The following FGFR2 variants were observed in gnomAD, a reference collection of about 807,000 sequenced individuals.
FGFR2 encodes BEK fibroblast growth factor receptor.
Under a neutral mutation model 95.9 loss-of-function variants are expected in FGFR2, and 19 were observed. The observed-to-expected ratio is 0.20, with a 90% CI of 0.14 to 0.29. FGFR2 has a LOEUF of 0.29. FGFR2 is among the 10% of genes least tolerant of loss of function. The probability of loss-of-function intolerance (pLI) is 1.00; values close to 1 mark genes in which losing one functional copy is unlikely to be tolerated. For missense variants in FGFR2, 707 were observed against 1,056.9 expected, an observed-to-expected ratio of 0.67 and a Z score of 4.59; for synonymous variants, 392 against 393.3, an observed-to-expected ratio of 1.00 and a Z score of 0.04.
chr10:121,591,011 ACTCTCTCT>A (rs76266908), intron 2 of FGFR2, among the ~76,000 whole-genome samples: 3 of 144,340 alleles, frequency 2.1e-5, no homozygotes, highest in Non-Finnish European at 4.6e-5. Context: ...ACACACGCAC[ACTCTCTCT>A]CTCTCTCTCT....
intron 6 of FGFR2, among the ~76,000 whole-genome samples, chr10:121,523,692 T>A (rs952753525): frequency 6.6e-6 from 1 of 152,172 alleles, no homozygotes; most frequent in Non-Finnish European, 1.5e-5. Context: ...GTTTTCCAGT[T>A]TTGCACTTGT....
At chr10:121,538,129 C>A (rs1038533256) in intron 6 of FGFR2, 1 of 580,296 alleles carries the variant, frequency 1.7e-6, no homozygotes, top group Admixed American at 3.1e-5. Context: ...AAGTGAAGGG[C>A]CCTCAACATT....
chr10:121,564,693 A>ACTT (rs1252671622), intron 3 of FGFR2, 114 bp from the exon 4 acceptor site: 1 of 889,474 alleles, frequency 1.1e-6, no homozygotes, highest in African/African-American at 1.6e-5. Context: ...GAACCCTCGC[A>ACTT]AAGAGCCTGG....
intron 13 of FGFR2, among the ~76,000 whole-genome samples, chr10:121,494,599 G>T (rs1462920062): frequency 1.1e-4 from 16 of 152,120 alleles, no homozygotes; most frequent in Admixed American, 1.0e-3. Flanking sequence ...GTTCACAGCT[G>T]CAGAAAAGGA....
chr10:121,558,768 T>C (rs865831012), intron 4 of FGFR2, among the ~76,000 whole-genome samples: 3 of 152,028 alleles, frequency 2.0e-5, no homozygotes, highest in African/African-American at 2.4e-5. Context: ...TTTTATATTT[T>C]AGTAGAGATG....
At chr10:121,577,174 T>TAGAGAGAGAGAGAGAGAGAG (rs1426070759) in intron 2 of FGFR2, among the ~76,000 whole-genome samples, 1 of 4,800 alleles carries the variant, frequency 2.1e-4, no homozygotes, top group Non-Finnish European at 3.8e-4. Context: ...TATATATATA[T>TAGAGAGAGAGAGAGAGAGAG]ATATAGAGAG....
In FGFR2 at chr10:121,496,713, T is replaced by G. The variant is rs957991200; in HGVS notation, c.1682A>C (p.Tyr561Ser). 1 of 1,611,658 alleles carries G rather than the reference T, an allele frequency of 6.2e-7. No individual in the cohort carries two copies. The highest frequency in any genetic ancestry group is 1.7e-5 in the Admixed American group (1 of 59,960). The change falls in exon 13 of 18, where the codon TAT becomes TCT. Residue 561 changes from tyrosine to serine, a missense_variant. Physicochemically the swap from Tyr to Ser is moderately radical, Grantham distance 144. Coordinates refer to ENST00000358487, the MANE Select transcript of FGFR2 (RefSeq NM_000141.5). ...TTTAGAGGCATACTCAACTATGACA[T>G]AGAGAGGCCCTGTTGAGGAAGAAGA... ...LGACTQDGPL[Y>S]VIVEYASKGN... is the part of the protein sequence containing the mutation.
intron 5 of FGFR2, among the ~76,000 whole-genome samples, chr10:121,549,130 A>C (rs1855000852): frequency 6.6e-6 from 1 of 152,190 alleles, no homozygotes; most frequent in Admixed American, 6.5e-5. Flanking sequence ...TTAGAAACTT[A>C]CTCATAGGCT....
At position 121,572,749 on chromosome 10, in the gene FGFR2, T is replaced by C. The variant is rs190267011; in HGVS notation, c.110-7045A>G. ...AACCATCCTGTTATTCCTTGGGAGC[T>C]CATAGGACCTCTGACTGGGGAGAGA... is the stretch of plus-strand genomic sequence containing the variant. On this transcript the variant is annotated intron_variant, in intron 2 of 17. Coordinates refer to ENST00000358487, the MANE Select transcript of FGFR2 (RefSeq NM_000141.5). Among the ~76,000 whole-genome samples the C allele has an allele frequency of 3.6e-4, 55 of 152,310 alleles. No homozygotes were observed. In the East Asian group the frequency reaches 6.7e-3, roughly 19 times the overall value.
chr10:121,588,547 T>C (rs1418745371), intron 2 of FGFR2, among the ~76,000 whole-genome samples: 1 of 152,034 alleles, frequency 6.6e-6, no homozygotes, highest in Non-Finnish European at 1.5e-5. Flanking sequence ...CTAAAAAAAG[T>C]AGAGCCATCT....
intron 5 of FGFR2, among the ~76,000 whole-genome samples, chr10:121,541,136 T>C (rs1410497871): frequency 6.6e-6 from 1 of 152,198 alleles, no homozygotes; most frequent in Non-Finnish European, 1.5e-5. Context: ...TTTATAAAAA[T>C]GTTTTTACAA....
intron 6 of FGFR2, among the ~76,000 whole-genome samples, chr10:121,527,119 G>C (rs555443558): frequency 7.2e-5 from 11 of 152,316 alleles, no homozygotes; most frequent in Admixed American, 2.0e-4. Flanking sequence ...GTGCTGGCTG[G>C]GCTCAGGGCC....
At position 121,585,007 on chromosome 10, in the gene FGFR2, A is replaced by G. The variant is rs775979323; in HGVS notation, c.109+8702T>C. On this transcript the variant is annotated intron_variant, in intron 2 of 17. Transcript: ENST00000358487. Reference sequence around the variant, plus strand: ...CAACCGATTCCATAACCCCTCTCCAATGTTCTTCGCCGGGCCTAATGGCAA... The same window carrying G: ...CAACCGATTCCATAACCCCTCTCCAGTGTTCTTCGCCGGGCCTAATGGCAA... Among the ~76,000 whole-genome samples the G allele has an allele frequency of 8.6e-5, 13 of 151,344 alleles. 1 individual carries two copies. The highest frequency in any genetic ancestry group is 1.5e-4 in the Non-Finnish European group (10 of 67,850).
intron 13 of FGFR2, among the ~76,000 whole-genome samples, chr10:121,490,457 C>G (rs575821923): frequency 6.6e-6 from 1 of 152,294 alleles, no homozygotes; most frequent in African/African-American, 2.4e-5. Flanking sequence ...AGCCACCACG[C>G]CCGGCCTATG....
In FGFR2 at chr10:121,517,325, G is replaced by A. The variant is rs1437948804; in HGVS notation, c.1078C>T (p.Leu360=). Residue 360 remains leucine, a synonymous_variant, in exon 8 of 18, where the codon CTG becomes TTG. Coordinates refer to ENST00000358487, the MANE Select transcript of FGFR2 (RefSeq NM_000141.5). This position sits in a 1 kb window ranked among gnomAD's most constrained non-coding sequence, Gnocchi z 4.7. The stretch of plus-strand genomic sequence containing the variant: ...GAGAAAGAACAGTATATACCTGGCA[G>A]AACTGTCAACCATGCAGAGTGAAAG... ...ISFHSAWLTV[L]PAPGREKEIT... 1.2e-6 allele frequency: 2 copies of A among 1,614,168 alleles called. No individual in the cohort carries two copies. Among genetic ancestry groups the A allele is most frequent in the Non-Finnish European group, 1.7e-6 (2 of 1,180,026 alleles).
At chr10:121,589,223 A>AGG (rs1862271145) in intron 2 of FGFR2, among the ~76,000 whole-genome samples, 1 of 152,202 alleles carries the variant, frequency 6.6e-6, no homozygotes, top group Non-Finnish European at 1.5e-5. Flanking sequence ...TGGAAATGTA[A>AGG]GGGTAAGCTA....
intron 13 of FGFR2, among the ~76,000 whole-genome samples, chr10:121,490,185 C>T (rs564335700): frequency 4.3e-4 from 37 of 86,878 alleles, no homozygotes; most frequent in African/African-American, 1.5e-3. Context: ...TTTTTTGAGA[C>T]GGAGTTTCAC....
chr10:121,487,322 A>C, intron 15 of FGFR2, 32 bp downstream of exon 15: 1 of 1,575,542 alleles, frequency 6.3e-7, no homozygotes, highest in Non-Finnish European at 8.7e-7. Flanking sequence ...GCTCAAGCCC[A>C]GGAAAAAGCC....
intron 17 of FGFR2, chr10:121,480,391 ATAACCCGCTGAG>A: frequency 2.6e-6 from 1 of 387,922 alleles, no homozygotes; most frequent in South Asian, 2.8e-5. Flanking sequence ...ACGGACCTAA[ATAACCCGCTGAG>A]TCTACACCAC....
Sources: allele counts gnomAD v4.1 joint callset (sites outside exome capture counted in the v4.1 genomes callset), GRCh38; gene constraint gnomAD v4.1.1; non-coding constraint Gnocchi (gnomAD v3.1); transcripts MANE v1.5; gene names NCBI Gene and HGNC (gene_info 2026-07-23, HGNC 2026-07-21).